Variants in UGT2B28 observed in about 807,000 individuals in gnomAD.
The protein encoded by UGT2B28 is UDP glucuronosyltransferase family 2 member B28, also known as UDP-glucuronosyltransferase 2B28.
A neutral mutation model predicts 43.6 loss-of-function variants in UGT2B28; 45 were observed. The ratio of observed to expected loss-of-function variants is 1.03; its 90% CI spans 0.81 to 1.32. UGT2B28 has a LOEUF of 1.32. UGT2B28 is among the 40% of genes most tolerant of loss of function. UGT2B28 has a pLI of 0.00. For missense variants in UGT2B28, 649 were observed against 625.5 expected (o/e 1.04, Z -0.40); for synonymous variants, 204 against 208.1 (o/e 0.98, Z 0.17).
chr4:69,289,784 T>G (rs1217770450), intron 4 of UGT2B28, 32 bp downstream of exon 4: 1 of 1,464,202 alleles, frequency 6.8e-7, no homozygotes, highest in East Asian at 2.4e-5. Context: ...ACTGGATATA[T>G]TAGTAACTGC....
At chr4:69,284,443 G>A (rs1723710679) in intron 2 of UGT2B28, among the ~76,000 whole-genome samples, 1 of 139,938 alleles carries the variant, frequency 7.1e-6, no homozygotes, top group Admixed American at 7.2e-5. Context: ...TTATTCCATT[G>A]TTAAAACTCA....
chr4:69,286,762 A>C lies in UGT2B28; in HGVS notation c.881A>C (p.Glu294Ala), dbSNP rs772478942. 3 of 1,553,582 alleles carry C rather than the reference A, an allele frequency of 1.9e-6. 1 individual carries two copies. The highest frequency in any genetic ancestry group is 8.7e-7 in the Non-Finnish European group (1 of 1,153,570). Residue 294 changes from glutamate (E) to alanine (A), a missense_variant, in exon 3 of 6, where the codon GAA becomes GCA. Physicochemically the swap from Glu to Ala is moderately radical, Grantham distance 107. Coordinates refer to ENST00000335568, the MANE Select transcript of UGT2B28 (RefSeq NM_053039.2). The stretch of plus-strand genomic sequence containing the variant: ...AATTTTTTTTCACAGGAAATGGAGG[A>C]ATTTGTACAGAGCTCTGGTGAAAAT... ...PAKPLPKEME[E>A]FVQSSGENGV...
Position 69,293,170 on chromosome 4 carries a change from A to G in UGT2B28, c.1311-1360A>G, listed in dbSNP as rs574388047. Reference sequence around the variant, plus strand: ...TAAAGAAAAAGACACTTTTGAGTACATATTATATAATTCAATTACATAAAC... The same window carrying G: ...TAAAGAAAAAGACACTTTTGAGTACGTATTATATAATTCAATTACATAAAC... On this transcript the variant is annotated intron_variant, in intron 5 of 5. Transcript: ENST00000335568. Among the ~76,000 whole-genome samples the G allele has an allele frequency of 5.0e-5, 7 of 140,674 alleles. 2 individuals are homozygous for G. The South Asian group carries it at 1.4e-3, about 29-fold the overall frequency. 92.3% of individuals were successfully genotyped at this position (140,674 alleles called of 152,430 possible). A position where few individuals can be genotyped will look rare whatever the true frequency, so the allele number is the denominator to read the frequency against.
chr4:69,290,925 A>G, intron 5 of UGT2B28, 114 bp downstream of exon 5: 1 of 1,285,860 alleles, frequency 7.8e-7, no homozygotes, highest in Non-Finnish European at 1.0e-6. Context: ...AATTTAAATG[A>G]TTTAACCAAT....
In UGT2B28 at chr4:69,280,599, C is replaced by T. The variant is rs1723565734; in HGVS notation, c.99C>T (p.Tyr33=). 3.2e-6 allele frequency: 5 copies of T among 1,560,606 alleles called. 1 individual carries two copies. The highest frequency in any genetic ancestry group is 4.3e-6 in the Non-Finnish European group (5 of 1,155,838). ...AGGTGCTGGTGTGGACCGGTGAATA[C>T]AGCCATTGGATGAATATGAAGACAA... ...CGKVLVWTGE[Y]SHWMNMKTIL... is the part of the protein sequence containing the mutation. Residue 33 remains tyrosine, a synonymous_variant, in exon 1 of 6, where the codon TAC becomes TAT. Coordinates refer to ENST00000335568, the MANE Select transcript of UGT2B28 (RefSeq NM_053039.2).
rs1394100305 is a variant in UGT2B28 at position 69,286,807 on chromosome 4, T to C, written c.926T>C (p.Leu309Pro). The C allele has an allele frequency of 1.9e-6, 3 of 1,557,124 alleles. 1 individual carries two copies. The highest frequency in any genetic ancestry group is 8.7e-7 in the Non-Finnish European group (1 of 1,154,734). ...SGENGVVVFSLGSVISNMTAE... is the reference protein window; with the variant it reads ...SGENGVVVFSPGSVISNMTAE... Reference sequence around the variant, plus strand: ...GAAAATGGTGTTGTGGTGTTTTCTCTGGGGTCAGTGATAAGTAACATGACA... The same window carrying C: ...GAAAATGGTGTTGTGGTGTTTTCTCCGGGGTCAGTGATAAGTAACATGACA... The change falls in exon 3 of 6, where the codon CTG becomes CCG. Residue 309 changes from leucine to proline, a missense_variant. By Grantham distance (98) the Leu-to-Pro change is moderately conservative (BLOSUM62 -3). Coordinates refer to ENST00000335568, the MANE Select transcript of UGT2B28 (RefSeq NM_053039.2).
rs1723894935 is a variant in UGT2B28 at position 69,289,806 on chromosome 4, T to C, written c.1090+54T>C. On this transcript the variant is annotated intron_variant, in intron 4 of 5. Transcript: ENST00000335568. ...ATATTAGTAACTGCACATTAGAATGTTAATAGTTTATCTTGAAACATGCTT... is the reference window on the plus strand; with the variant it reads ...ATATTAGTAACTGCACATTAGAATGCTAATAGTTTATCTTGAAACATGCTT... 15 of 1,414,674 alleles carry C rather than the reference T, an allele frequency of 1.1e-5. 2 individuals are homozygous for C. The highest frequency in any genetic ancestry group is 2.7e-5 in the South Asian group (2 of 73,648). The allele number at this position is 1,414,674 out of a possible 1,614,324, so 87.6% of individuals were successfully genotyped here. A position where few individuals can be genotyped will look rare whatever the true frequency, so the allele number is the denominator to read the frequency against.
In UGT2B28 at chr4:69,282,612, A is replaced by G. The variant is rs199599672; in HGVS notation, c.820A>G (p.Ile274Val). The change falls in exon 2 of 6, where the codon ATT (isoleucine) becomes GTT (valine). Residue 274 changes from isoleucine (I) to valine (V), a missense_variant. Transcript: ENST00000335568. The part of the protein sequence containing the change: ...FQFPHPFLPN[I>V]DFVGGLHCKP... ...ATTTCCTCATCCATTCTTACCAAAC[A>G]TTGATTTTGTTGGAGGACTCCACTG... 145 of 1,555,352 alleles carry G rather than the reference A, an allele frequency of 9.3e-5. 18 individuals carry two copies. Among genetic ancestry groups the G allele is most frequent in the East Asian group, 1.4e-4 (6 of 43,338 alleles).
At chr4:69,288,410 T>C (rs765899807) in intron 3 of UGT2B28, among the ~76,000 whole-genome samples, 2 of 139,786 alleles carry the variant, frequency 1.4e-5, no homozygotes, top group African/African-American at 5.6e-5. Context: ...CTTCTCATAT[T>C]ATTCAAAAAC....
chr4:69,285,335 T>C (rs983377814), intron 2 of UGT2B28, among the ~76,000 whole-genome samples: 1 of 140,748 alleles, frequency 7.1e-6, no homozygotes, highest in African/African-American at 2.8e-5. Context: ...CTTACATTAA[T>C]TTTGTATTAT....
chr4:69,289,737 C>T lies in UGT2B28; in HGVS notation c.1075C>T (p.Gln359Ter), dbSNP rs780377916. Residue 359 changes from glutamine to a stop codon, truncating the protein, a stop_gained, in exon 4 of 6, where the codon CAG (glutamine) becomes TAG (stop). Transcript: ENST00000335568. LOFTEE classifies it high-confidence loss of function. ...TACTCGGCTGTATAAGTGGATACCCCAGAATGACCTTCTAGGTAACACTCT... is the reference window on the plus strand; with the variant it reads ...TACTCGGCTGTATAAGTGGATACCCTAGAATGACCTTCTAGGTAACACTCT... Reference protein sequence around the residue: ...LNTRLYKWIPQNDLLGLPKTR... With the variant: ...LNTRLYKWIP 4.5e-6 allele frequency: 7 copies of T among 1,557,186 alleles called. No individual in the cohort carries two copies. The Admixed American group carries it at 9.0e-5, about 20-fold the overall frequency.
Position 69,286,664 on chromosome 4 carries a change from A to C in UGT2B28, c.871-88A>C. The C allele has an allele frequency of 2.1e-6, 3 of 1,441,460 alleles. 1 individual carries two copies. Among genetic ancestry groups the C allele is most frequent in the Non-Finnish European group, 2.8e-6 (3 of 1,086,214 alleles). 89.3% of individuals were successfully genotyped at this position (1,441,460 alleles called of 1,614,324 possible). On this transcript the variant is annotated intron_variant, in intron 2 of 5. Coordinates refer to ENST00000335568, the MANE Select transcript of UGT2B28 (RefSeq NM_053039.2). The stretch of plus-strand genomic sequence containing the variant: ...CTCCAATAATTCCTCAAAATACTTG[A>C]TTTTCTCTCTTTAATATTTGGTACC...
intron 5 of UGT2B28, 91 bp from the exon 6 acceptor site, chr4:69,294,439 T>G: frequency 8.2e-7 from 1 of 1,221,852 alleles, no homozygotes. Flanking sequence ...TACTTTGAAT[T>G]ATTTGACACT....
intron 1 of UGT2B28, 70 bp from the exon 2 acceptor site, chr4:69,282,444 C>T: frequency 6.8e-7 from 1 of 1,459,980 alleles, no homozygotes; most frequent in Non-Finnish European, 9.0e-7. Context: ...ATAATTCTAA[C>T]CCCTTTCAGA....
chr4:69,293,393 TA>T (rs1724007866), intron 5 of UGT2B28, among the ~76,000 whole-genome samples: 1 of 140,634 alleles, frequency 7.1e-6, no homozygotes. Context: ...ACTATTCACT[TA>T]GTGTATGTAT....
At position 69,294,897 on chromosome 4, in the gene UGT2B28, T is replaced by C; in HGVS notation, c.*88T>C. 1 of 1,374,550 alleles carries C rather than the reference T, an allele frequency of 7.3e-7. No individual in the cohort carries two copies. The highest frequency in any genetic ancestry group is 9.4e-7 in the Non-Finnish European group (1 of 1,059,778). The allele number at this position is 1,374,550 out of a possible 1,614,324, so 85.1% of individuals were successfully genotyped here. A position where few individuals can be genotyped will look rare whatever the true frequency, so the allele number is the denominator to read the frequency against. ...AGAAAGAAAAGATTGTTATGCAAGA[T>C]TTCTTTCTTCCTGTGACAAAAAAAA... On this transcript the variant is annotated 3_prime_UTR_variant, in exon 6 of 6. Coordinates refer to ENST00000335568, the MANE Select transcript of UGT2B28 (RefSeq NM_053039.2).
At position 69,285,852 on chromosome 4, in the gene UGT2B28, G is replaced by T. The variant is rs1183660105; in HGVS notation, c.871-900G>T. ...AAAAGAGAGACAAGATCCCCCTGCA[G>T]AAAGGCCTGGTGGCCTCTTCTATTC... On this transcript the variant is annotated intron_variant, in intron 2 of 5. Transcript: ENST00000335568. Among the ~76,000 whole-genome samples the T allele has an allele frequency of 7.1e-5, 10 of 141,166 alleles. 1 individual carries two copies. Among genetic ancestry groups the T allele is most frequent in the African/African-American group, 2.5e-4 (9 of 36,150 alleles). The allele number at this position is 141,166 out of a possible 152,430, so 92.6% of individuals were successfully genotyped here.
In UGT2B28 at chr4:69,281,062, A is replaced by C; in HGVS notation, c.562A>C (p.Ile188Leu). ...AATTGAAAGGCACAGTGGAGGACTGATTTTCCCTCCTTCCTACATACCTGT... is the reference window on the plus strand; with the variant it reads ...AATTGAAAGGCACAGTGGAGGACTGCTTTTCCCTCCTTCCTACATACCTGT... ...YTIERHSGGL[I>L]FPPSYIPVVM... Residue 188 changes from isoleucine (I) to leucine (L), a missense_variant, in exon 1 of 6, where the codon ATT (isoleucine) becomes CTT (leucine). Coordinates refer to ENST00000335568, the MANE Select transcript of UGT2B28 (RefSeq NM_053039.2). The C allele has an allele frequency of 6.4e-7, 1 of 1,559,430 alleles. No individual in the cohort carries two copies. Among genetic ancestry groups the C allele is most frequent in the Non-Finnish European group, 8.7e-7 (1 of 1,155,340 alleles).
chr4:69,288,298 A>G (rs1284014867), intron 3 of UGT2B28, among the ~76,000 whole-genome samples: 5 of 139,948 alleles, frequency 3.6e-5, no homozygotes, highest in African/African-American at 1.4e-4. Context: ...GCATTTATTT[A>G]TTTCTTATAA....
Sources: allele counts gnomAD v4.1 joint callset (sites outside exome capture counted in the v4.1 genomes callset), GRCh38; gene constraint gnomAD v4.1.1; transcripts MANE v1.5; gene names NCBI Gene and HGNC (gene_info 2026-07-23, HGNC 2026-07-21).